Variants in PTPRA observed in about 807,000 individuals in gnomAD.
PTPRA encodes the protein protein tyrosine phosphatase receptor type A, also known as receptor-type tyrosine-protein phosphatase alpha.
Under a neutral mutation model 104.8 loss-of-function variants are expected in PTPRA, and 25 were observed. The observed-to-expected ratio is 0.24, with a 90% confidence interval of 0.17 to 0.33. The LOEUF is 0.33. Among genes scored for constraint, PTPRA ranks in the 10% least tolerant of loss-of-function variants. The pLI is 1.00. For missense variants in PTPRA, 765 were observed against 1,015.3 expected, an observed-to-expected ratio of 0.75 and a Z score of 3.35; for synonymous variants, 323 against 368.9, an observed-to-expected ratio of 0.88 and a Z score of 1.43.
At chr20:3,021,238 C>T (rs1362572656) in intron 13 of PTPRA, 71 bp from the exon 14 acceptor site, 2 of 1,598,874 alleles carry the variant, frequency 1.3e-6, no homozygotes, top group East Asian at 2.2e-5. Context: ...TGGGCTCTTC[C>T]TTCCAGGCCC....
chr20:3,002,467 C>T (rs2063679092), intron 9 of PTPRA, among the ~76,000 whole-genome samples: 2 of 151,856 alleles, frequency 1.3e-5, no homozygotes, highest in African/African-American at 2.4e-5. Flanking sequence ...GCTGGGGTTA[C>T]AGGCATGTGC....
intron 1 of PTPRA, among the ~76,000 whole-genome samples, chr20:2,918,330 A>G (rs1386292171): frequency 1.3e-5 from 2 of 152,144 alleles, no homozygotes; most frequent in Non-Finnish European, 2.9e-5. Flanking sequence ...ACTCACTTAT[A>G]AAACTCTATT....
chr20:2,864,908 CTG>C, the PTPRA span: 11 of 1,600,194 alleles, frequency 6.9e-6, no homozygotes, highest in East Asian at 2.2e-5. This position sits in a 1 kb window ranked among gnomAD's most constrained non-coding sequence, Gnocchi z 5.2. Flanking sequence ...GGGGAGAAGA[CTG>C]TAGCCTGGGT....
intron 3 of PTPRA, among the ~76,000 whole-genome samples, chr20:2,948,820 C>T (rs992315982): frequency 1.4e-4 from 21 of 152,026 alleles, no homozygotes; most frequent in South Asian, 6.2e-4. Context: ...GGCGTGGTGG[C>T]GGGCACCTGT....
chr20:3,029,646 C>T (rs567395847), intron 20 of PTPRA, among the ~76,000 whole-genome samples: 62 of 147,490 alleles, frequency 4.2e-4, no homozygotes, highest in African/African-American at 1.4e-3. Context: ...TGGCAATTCT[C>T]CTGCCACAGC....
At chr20:2,912,762 G>A (rs1217758584) in intron 1 of PTPRA, among the ~76,000 whole-genome samples, 1 of 152,162 alleles carries the variant, frequency 6.6e-6, no homozygotes, top group East Asian at 1.9e-4. Context: ...TGGACAGCAC[G>A]TATTTAGAAC....
At chr20:2,989,115 C>G (rs1476886387) in intron 9 of PTPRA, among the ~76,000 whole-genome samples, 1 of 152,090 alleles carries the variant, frequency 6.6e-6, no homozygotes, top group African/African-American at 2.4e-5. Context: ...GTTGGTGATC[C>G]TAGCCTACCA....
chr20:3,013,467 G>C (rs1316299053), intron 11 of PTPRA, among the ~76,000 whole-genome samples: 1 of 151,394 alleles, frequency 6.6e-6, no homozygotes, highest in East Asian at 1.9e-4. Flanking sequence ...GCCCAGGCTG[G>C]AGTGCAATGG....
At chr20:2,975,327 G>T in intron 6 of PTPRA, 86 bp downstream of exon 6, 1 of 1,178,932 alleles carries the variant, frequency 8.5e-7, no homozygotes, top group Non-Finnish European at 1.2e-6. Flanking sequence ...TGTGGTAACC[G>T]TGTGCATCTG....
intron 16 of PTPRA, among the ~76,000 whole-genome samples, chr20:3,023,634 CAT>C (rs1377958154): frequency 1.3e-5 from 2 of 152,204 alleles, no homozygotes; most frequent in Non-Finnish European, 2.9e-5. Context: ...CCTTTGCTCA[CAT>C]GTTTTTCTGC....
Position 2,965,177 on chromosome 20 carries a change from C to T in PTPRA, c.390C>T (p.Thr130=). Residue 130 remains threonine, a synonymous_variant, in exon 5 of 24, where the codon ACC becomes ACT. Coordinates refer to ENST00000399903, the MANE Select transcript of PTPRA (RefSeq NM_001385305.1). ...PWEGNSSTAA[T]TPETFPPSGN... ...AGGGGAATTCCAGCACCGCAGCAAC[C>T]ACTCCAGAAACTTTCCCTCCTTCAG... The T allele has an allele frequency of 6.2e-7, 1 of 1,613,674 alleles. No individual in the cohort carries two copies. Among genetic ancestry groups the T allele is most frequent in the Non-Finnish European group, 8.5e-7 (1 of 1,179,632 alleles).
the PTPRA span, chr20:2,864,766 T>A: frequency 2.4e-6 from 3 of 1,254,048 alleles, no homozygotes; most frequent in African/African-American, 4.4e-5. The surrounding 1 kb of genome is among the most constrained non-coding windows in gnomAD (Gnocchi z 5.2). Flanking sequence ...CATCTGGTCC[T>A]CACTGTGAGG....
chr20:2,879,520 C>G (rs1286488870), intron 1 of PTPRA, among the ~76,000 whole-genome samples: 1 of 152,184 alleles, frequency 6.6e-6, no homozygotes, highest in Non-Finnish European at 1.5e-5. Flanking sequence ...CTAGGCTGCA[C>G]TTTAGATTCA....
chr20:2,926,584 T>G (rs1262111048), intron 2 of PTPRA, among the ~76,000 whole-genome samples: 2 of 152,042 alleles, frequency 1.3e-5, no homozygotes, highest in East Asian at 3.9e-4. Flanking sequence ...GGGGTTACAA[T>G]TTTAACATCT....
chr20:3,024,894 TTC>T (rs869188214), intron 17 of PTPRA, among the ~76,000 whole-genome samples: 1 of 101,310 alleles, frequency 9.9e-6, no homozygotes, highest in Non-Finnish European at 2.0e-5. Flanking sequence ...GAGCAGTTTT[TTC>T]TGTAAGAGCC....
chr20:2,918,061 C>CTGGG (rs1304905614), intron 1 of PTPRA, among the ~76,000 whole-genome samples: 1 of 142,272 alleles, frequency 7.0e-6, no homozygotes, highest in Non-Finnish European at 1.5e-5. Context: ...GCACTCCAGC[C>CTGGG]TGGGCGATAG....
chr20:2,910,945 G>A (rs1047357815), intron 1 of PTPRA, among the ~76,000 whole-genome samples: 4 of 132,768 alleles, frequency 3.0e-5, no homozygotes, highest in African/African-American at 8.3e-5. Flanking sequence ...TTGTAGAGAT[G>A]TGGTCTCACT....
chr20:2,900,145 C>CCT (rs2059174411), intron 1 of PTPRA, among the ~76,000 whole-genome samples: 24 of 113,264 alleles, frequency 2.1e-4, no homozygotes, highest in South Asian at 5.9e-4. Context: ...AATCTGCCTC[C>CCT]TTTTTTTTTT....
intron 20 of PTPRA, among the ~76,000 whole-genome samples, chr20:3,028,896 C>T (rs1015074920): frequency 6.6e-6 from 1 of 152,064 alleles, no homozygotes; most frequent in Non-Finnish European, 1.5e-5. Flanking sequence ...GGCCTGGACT[C>T]GGGTGGTGAG....
Sources: gnomAD v4.1 joint callset for allele counts (sites outside exome capture counted in the v4.1 genomes callset) on GRCh38, gnomAD v4.1.1 for gene constraint, Gnocchi (gnomAD v3.1) non-coding constraint, MANE v1.5 for transcripts, NCBI Gene and HGNC (gene_info 2026-07-23, HGNC 2026-07-21) for gene names.